The following ZNF169 variants were observed in gnomAD, a reference collection of about 807,000 sequenced individuals.
The protein encoded by ZNF169 is zinc finger protein 169.
Under a neutral mutation model 12.0 loss-of-function variants are expected in ZNF169, and 11 were observed. The ratio of observed to expected loss-of-function variants is 0.92; its 90% CI spans 0.58 to 1.52. The LOEUF (loss-of-function observed/expected upper bound fraction) is 1.52. Among genes scored for constraint, ZNF169 ranks in the 40% most tolerant of loss-of-function variants. The probability of loss-of-function intolerance (pLI) is 0.00; values close to 1 mark genes in which losing one functional copy is unlikely to be tolerated. For missense variants in ZNF169, 722 were observed against 744.0 expected, an observed-to-expected ratio of 0.97 and a Z score of 0.34; for synonymous variants, 302 against 286.5, an observed-to-expected ratio of 1.05 and a Z score of -0.55.
At chr9:94,272,891 T>A (rs1830447554) in intron 1 of ZNF169, among the ~76,000 whole-genome samples, 1 of 152,106 alleles carries the variant, frequency 6.6e-6, no homozygotes, top group African/African-American at 2.4e-5. Flanking sequence ...TGTTTTGTTT[T>A]GTTTTGTTTT....
intron 1 of ZNF169, among the ~76,000 whole-genome samples, chr9:94,275,994 G>A (rs540887450): frequency 2.0e-5 from 3 of 151,788 alleles, no homozygotes; most frequent in Admixed American, 1.3e-4. Flanking sequence ...GGCTGGCCTC[G>A]AACTCCTGAC....
chr9:94,282,249 T>G (rs999022272), intron 2 of ZNF169, among the ~76,000 whole-genome samples: 9 of 148,706 alleles, frequency 6.1e-5, no homozygotes, highest in African/African-American at 2.2e-4. Flanking sequence ...AGATAGGAAT[T>G]TGGGCAAGAT....
chr9:94,300,550 T>C lies in ZNF169; in HGVS notation c.992T>C (p.Ile331Thr). ...QECGRGFRQK[I>T]ALLLHQRTHL... Reference sequence around the variant, plus strand: ...TGTGGGCGAGGCTTTCGCCAGAAGATAGCCCTCCTTCTACACCAGAGGACG... The same window carrying C: ...TGTGGGCGAGGCTTTCGCCAGAAGACAGCCCTCCTTCTACACCAGAGGACG... The change falls in exon 5 of 5, where the codon ATA becomes ACA. Residue 331 changes from isoleucine to threonine, a missense_variant. Physicochemically the swap from Ile to Thr is moderately conservative, Grantham distance 89. Coordinates refer to ENST00000395395, the MANE Select transcript of ZNF169 (RefSeq NM_194320.4). 6.2e-7 allele frequency: 1 copy of C among 1,613,420 alleles called. No individual in the cohort carries two copies. The highest frequency in any genetic ancestry group is 8.5e-7 in the Non-Finnish European group (1 of 1,179,816).
intron 1 of ZNF169, among the ~76,000 whole-genome samples, chr9:94,261,104 C>T (rs950359434): frequency 1.3e-5 from 2 of 151,210 alleles, no homozygotes; most frequent in Admixed American, 1.3e-4. Flanking sequence ...TGGCGCGGCG[C>T]GATCTCGGCT....
intron 2 of ZNF169, among the ~76,000 whole-genome samples, chr9:94,289,243 A>T (rs79205359): frequency 0.11 from 16,609 of 151,696 alleles, 1,497 homozygotes; most frequent in East Asian, 0.35. Flanking sequence ...TTAAAAAAAT[A>T]AAAAAATTAG....
intron 1 of ZNF169, among the ~76,000 whole-genome samples, chr9:94,277,438 A>C (rs990099696): frequency 6.6e-6 from 1 of 152,160 alleles, no homozygotes. Context: ...TTCCCACAAG[A>C]GACTTTGTAG....
chr9:94,288,321 G>T, intron 2 of ZNF169: 1 of 920,940 alleles, frequency 1.1e-6, no homozygotes, highest in Non-Finnish European at 1.8e-6. Flanking sequence ...GTGTGTTGTC[G>T]GTGTTCTATT....
rs1291114813 is a variant in ZNF169 at position 94,299,859 on chromosome 9, T to G, written c.301T>G (p.Phe101Val). ...GCCAAGTTTTCCCCACCTGGTGGCC[T>G]TTTCTAGCTCGCAGCTCCTCAGACA... The part of the protein sequence containing the change: ...FQPSFPHLVA[F>V]SSSQLLRQYA... The change falls in exon 5 of 5, where the codon TTT (phenylalanine) becomes GTT (valine). Residue 101 changes from phenylalanine (F) to valine (V), a missense_variant. Transcript: ENST00000395395. The G allele has an allele frequency of 2.5e-6, 4 of 1,613,812 alleles. No individual in the cohort carries two copies. In the Admixed American group the frequency reaches 6.7e-5, roughly 27 times the overall value.
intron 1 of ZNF169, among the ~76,000 whole-genome samples, chr9:94,266,162 A>C (rs1830289245): frequency 6.6e-6 from 1 of 151,756 alleles, no homozygotes; most frequent in Non-Finnish European, 1.5e-5. Context: ...AAAATTGTTG[A>C]TGGGCTTTTG....
intron 2 of ZNF169, among the ~76,000 whole-genome samples, chr9:94,280,190 T>C (rs192962507): frequency 6.6e-6 from 1 of 152,348 alleles, no homozygotes; most frequent in East Asian, 1.9e-4. Flanking sequence ...TTTGATCTTA[T>C]GAGAACGTCA....
intron 1 of ZNF169, among the ~76,000 whole-genome samples, chr9:94,269,475 C>G (rs1200442241): frequency 6.6e-6 from 1 of 152,102 alleles, no homozygotes; most frequent in Non-Finnish European, 1.5e-5. Flanking sequence ...CTGGAGGGTC[C>G]CCTGGGAAAA....
At chr9:94,293,541 C>T (rs1830892516) in intron 4 of ZNF169, 1 of 214,776 alleles carries the variant, frequency 4.7e-6, no homozygotes, top group African/African-American at 2.3e-5. Context: ...CCTCACCCTC[C>T]TGAGTAGCTG....
rs753309038 is a variant in ZNF169 at position 94,300,574 on chromosome 9, C to T, written c.1016C>T (p.Thr339Met). ...QKIALLLHQR[T>M]HLEEKPFVCP... Reference sequence around the variant, plus strand: ...ATAGCCCTCCTTCTACACCAGAGGACGCACTTGGAGGAGAAGCCCTTCGTG... The same window carrying T: ...ATAGCCCTCCTTCTACACCAGAGGATGCACTTGGAGGAGAAGCCCTTCGTG... Residue 339 changes from threonine to methionine, a missense_variant, in exon 5 of 5, where the codon ACG (threonine) becomes ATG (methionine). Physicochemically the swap from Thr to Met is moderately conservative, Grantham distance 81. Transcript: ENST00000395395. The T allele has an allele frequency of 9.9e-6, 16 of 1,613,998 alleles. No individual in the cohort carries two copies. The highest frequency in any genetic ancestry group is 8.3e-5 in the Admixed American group (5 of 59,996).
rs373695067 is a variant in ZNF169, at chr9:94,300,986, C to A, written c.1428C>A (p.His476Gln). Residue 476 changes from histidine (H) to glutamine (Q), a missense_variant, in exon 5 of 5, where the codon CAC becomes CAA. Transcript: ENST00000395395. The stretch of plus-strand genomic sequence containing the variant: ...GTCAGAAGGTCACCCTCATCAGACA[C>A]CAGAGGACACACACAGGGGAGAAGC... ...GFGQKVTLIRHQRTHTGEKPY... is the reference protein window; with the variant it reads ...GFGQKVTLIRQQRTHTGEKPY... 1.2e-6 allele frequency: 2 copies of A among 1,613,880 alleles called. No individual in the cohort carries two copies. Among genetic ancestry groups the A allele is most frequent in the Non-Finnish European group, 8.5e-7 (1 of 1,180,002 alleles).
In ZNF169 at chr9:94,300,469, C is replaced by G. The variant is rs1490873290; in HGVS notation, c.911C>G (p.Ser304Cys). 1.2e-6 allele frequency: 2 copies of G among 1,614,098 alleles called. No individual in the cohort carries two copies. The highest frequency in any genetic ancestry group is 3.3e-5 in the Admixed American group (2 of 60,016). ...ECGRHFRYTSSLTNHKRIHSG... is the reference protein window; with the variant it reads ...ECGRHFRYTSCLTNHKRIHSG... ...GGGCGACACTTCAGGTATACATCCTCTCTCACTAATCACAAGAGGATTCAC... is the reference window on the plus strand; with the variant it reads ...GGGCGACACTTCAGGTATACATCCTGTCTCACTAATCACAAGAGGATTCAC... The change falls in exon 5 of 5, where the codon TCT (serine) becomes TGT (cysteine). Residue 304 changes from serine (S) to cysteine (C), a missense_variant. Ser to Cys is a moderately radical substitution (Grantham distance 112, BLOSUM62 -1). Coordinates refer to ENST00000395395, the MANE Select transcript of ZNF169 (RefSeq NM_194320.4).
intron 2 of ZNF169, among the ~76,000 whole-genome samples, chr9:94,282,458 C>T (rs1255426997): frequency 1.3e-5 from 2 of 152,166 alleles, no homozygotes; most frequent in East Asian, 3.8e-4. Flanking sequence ...GCGGGGATGA[C>T]TTGAACAAGA....
At chr9:94,283,370 T>G (rs1830673231) in intron 2 of ZNF169, among the ~76,000 whole-genome samples, 1 of 152,170 alleles carries the variant, frequency 6.6e-6, no homozygotes, top group African/African-American at 2.4e-5. Flanking sequence ...ATCACGCCAC[T>G]GTACTCCAGC....
intron 1 of ZNF169, among the ~76,000 whole-genome samples, chr9:94,274,245 TC>T (rs1462668891): frequency 3.9e-5 from 6 of 152,166 alleles, no homozygotes; most frequent in African/African-American, 1.4e-4. Flanking sequence ...ACAGTGACAT[TC>T]TAAGGTACTA....
chr9:94,265,596 T>C (rs1056247093), intron 1 of ZNF169, among the ~76,000 whole-genome samples: 2 of 149,618 alleles, frequency 1.3e-5, no homozygotes, highest in South Asian at 4.3e-4. Flanking sequence ...AAAAAAAAAT[T>C]ACAAAGTTTT....
Sources: gnomAD v4.1 joint callset for allele counts (sites outside exome capture counted in the v4.1 genomes callset) on GRCh38, gnomAD v4.1.1 for gene constraint, MANE v1.5 for transcripts, NCBI Gene and HGNC (gene_info 2026-07-23, HGNC 2026-07-21) for gene names.